The following NSUN6 variants were observed in gnomAD, a reference collection of about 807,000 sequenced individuals.
NSUN6 encodes the protein tRNA (cytosine(72)-C(5))-methyltransferase NSUN6.
Under a neutral mutation model 58.0 loss-of-function variants are expected in NSUN6, and 64 were observed. The ratio of observed to expected loss-of-function variants is 1.10; its 90% CI spans 0.90 to 1.36. NSUN6 has a LOEUF of 1.36. Ranked by LOEUF, NSUN6 falls within the 40% of genes most tolerant of loss-of-function variation. The pLI is 0.00. For synonymous variants in NSUN6, 231 were observed against 193.9 expected (o/e 1.19, Z -1.59); for missense variants, 701 against 550.1 (o/e 1.27, Z -2.74).
intron 5 of NSUN6, among the ~76,000 whole-genome samples, chr10:18,612,401 A>C (rs1195171115): frequency 6.6e-6 from 1 of 152,190 alleles, no homozygotes; most frequent in Non-Finnish European, 1.5e-5. Flanking sequence ...TTAATGACAG[A>C]GCGAGACCCT....
intron 1 of NSUN6, among the ~76,000 whole-genome samples, chr10:18,649,619 C>A (rs1364674283): frequency 2.7e-5 from 4 of 148,538 alleles, no homozygotes; most frequent in African/African-American, 7.4e-5. Context: ...CAGAGGGAGA[C>A]CCTGTCTCAA....
At chr10:18,607,524 G>T (rs534997842) in intron 6 of NSUN6, among the ~76,000 whole-genome samples, 1 of 152,292 alleles carries the variant, frequency 6.6e-6, no homozygotes, top group East Asian at 1.9e-4. Flanking sequence ...AACACAAAAA[G>T]ATCAACTAAC....
At chr10:18,604,279 T>A (rs985723485) in intron 6 of NSUN6, among the ~76,000 whole-genome samples, 12 of 152,184 alleles carry the variant, frequency 7.9e-5, no homozygotes, top group Admixed American at 6.5e-4. Context: ...TCTACCTACA[T>A]GTTTATACTT....
chr10:18,589,854 C>T (rs771064832), intron 7 of NSUN6, among the ~76,000 whole-genome samples: 13 of 152,124 alleles, frequency 8.5e-5, no homozygotes, highest in Admixed American at 2.0e-4. Flanking sequence ...CATCAACTAA[C>T]GCGCAAAATA....
chr10:18,552,559 C>T (rs992371569), intron 8 of NSUN6, among the ~76,000 whole-genome samples: 2 of 151,968 alleles, frequency 1.3e-5, no homozygotes, highest in Admixed American at 6.6e-5. Flanking sequence ...GGTGTGAAAC[C>T]AAGTGGTCTG....
intron 2 of NSUN6, among the ~76,000 whole-genome samples, chr10:18,648,021 G>A (rs1257053649): frequency 1.3e-5 from 2 of 152,142 alleles, no homozygotes; most frequent in South Asian, 2.1e-4. Flanking sequence ...TTACAGGCAT[G>A]AGCCACCACG....
upstream of NSUN6, chr10:18,654,950 C>T: frequency 3.1e-6 from 1 of 317,776 alleles, no homozygotes; most frequent in Non-Finnish European, 4.6e-6. Context: ...AAGAATACTG[C>T]CAGGATTAAA....
chr10:18,566,039 C>CACTCTATTCCATTCTCCATTCT (rs1316565065), intron 8 of NSUN6, among the ~76,000 whole-genome samples: 1 of 151,154 alleles, frequency 6.6e-6, no homozygotes, highest in East Asian at 1.9e-4. Flanking sequence ...TTCTCCATTC[C>CACTCTATTCCATTCTCCATTCT]ACTCTATTCC....
At chr10:18,596,016 C>G (rs1290327154) in intron 7 of NSUN6, among the ~76,000 whole-genome samples, 192 bp downstream of exon 7, 1 of 152,148 alleles carries the variant, frequency 6.6e-6, no homozygotes, top group Non-Finnish European at 1.5e-5. Context: ...AAATTCAAGA[C>G]GGTCTTGAGA....
upstream of NSUN6, chr10:18,651,929 G>A (rs1028334074): frequency 2.0e-6 from 2 of 985,324 alleles, no homozygotes; most frequent in African/African-American, 1.7e-5. Context: ...CAGCCCAGTT[G>A]CTGTCCTGCC....
At chr10:18,631,848 C>G (rs1024275530) in intron 3 of NSUN6, among the ~76,000 whole-genome samples, 1 of 152,186 alleles carries the variant, frequency 6.6e-6, no homozygotes. Context: ...TTTGTAGATT[C>G]AATGCCATCC....
chr10:18,629,165 G>A (rs1280328722), intron 3 of NSUN6, among the ~76,000 whole-genome samples: 2 of 152,126 alleles, frequency 1.3e-5, no homozygotes, highest in African/African-American at 2.4e-5. Flanking sequence ...AGCTTCATAA[G>A]TGAAGGAAAA....
At chr10:18,644,412 T>A (rs911088942) in intron 2 of NSUN6, among the ~76,000 whole-genome samples, 1 of 152,154 alleles carries the variant, frequency 6.6e-6, no homozygotes, top group Non-Finnish European at 1.5e-5. Context: ...TTTGTTGTTG[T>A]TGAACAGCTA....
At position 18,585,940 on chromosome 10, in the gene NSUN6, A is replaced by G; in HGVS notation, c.922+9T>C. The G allele has an allele frequency of 6.3e-7, 1 of 1,580,936 alleles. No homozygotes were observed. The highest frequency in any genetic ancestry group is 8.6e-7 in the Non-Finnish European group (1 of 1,168,360). ...GTCAATTAAAAATAAGAAAATCAAA[A>G]TAGCTCACCTTCTGTGTCCTCCACC... On this transcript the variant is annotated intron_variant, in intron 8 of 10. Transcript: ENST00000377304.
At chr10:18,599,497 A>G (rs1485543135) in intron 6 of NSUN6, among the ~76,000 whole-genome samples, 2 of 152,168 alleles carry the variant, frequency 1.3e-5, no homozygotes, top group African/African-American at 2.4e-5. Context: ...TCTGGGCCTT[A>G]TCTAGTAAAA....
chr10:18,601,129 T>C (rs568829409), intron 6 of NSUN6, among the ~76,000 whole-genome samples: 1 of 151,308 alleles, frequency 6.6e-6, no homozygotes, highest in Admixed American at 6.6e-5. Flanking sequence ...CCGTATCAGT[T>C]TTCTTAAGTT....
upstream of NSUN6, chr10:18,658,659 G>C: frequency 5.1e-6 from 5 of 982,838 alleles, no homozygotes; most frequent in Non-Finnish European, 6.0e-6. Context: ...GAACTCTGTG[G>C]CTCCAGGCCT....
chr10:18,627,653 C>T (rs1249869487), intron 3 of NSUN6, among the ~76,000 whole-genome samples: 11 of 152,198 alleles, frequency 7.2e-5, no homozygotes, highest in African/African-American at 1.4e-4. Flanking sequence ...GGGTGACAGA[C>T]GGCACCTGGA....
chr10:18,610,326 C>G (rs576265010), intron 5 of NSUN6, among the ~76,000 whole-genome samples: 14 of 151,832 alleles, frequency 9.2e-5, no homozygotes, highest in African/African-American at 3.1e-4. Flanking sequence ...CCAGCCTGGG[C>G]GTCAAGAGTG....
Sources: allele counts gnomAD v4.1 joint callset (sites outside exome capture counted in the v4.1 genomes callset), GRCh38; gene constraint gnomAD v4.1.1; transcripts MANE v1.5; gene names NCBI Gene and HGNC (gene_info 2026-07-23, HGNC 2026-07-21).